Variants in CLUH observed in about 807,000 individuals in gnomAD.
CLUH encodes the protein CLUH binding protein of NUMT mRNA.
In CLUH, 77 loss-of-function variants were observed where a neutral mutation model predicts 139.3. The observed-to-expected ratio is 0.55, with a 90% CI of 0.46 to 0.67. The LOEUF (loss-of-function observed/expected upper bound fraction) is 0.67, where lower values mean the gene tolerates loss of function less well. Ranked by LOEUF, CLUH falls within the 30% of genes least tolerant of loss-of-function variation. The probability of loss-of-function intolerance (pLI) is 0.00; values close to 1 mark genes in which losing one functional copy is unlikely to be tolerated. For synonymous variants in CLUH, 999 were observed against 801.6 expected (o/e 1.25, Z -4.16); for missense variants, 1,876 against 1,875.8 (o/e 1.00, Z 0.00).
intron 10 of CLUH, 95 bp downstream of exon 10, chr17:2,697,801 G>T: frequency 2.6e-6 from 3 of 1,162,076 alleles, no homozygotes; most frequent in Non-Finnish European, 3.5e-6. Context: ...ACTCTCCAGC[G>T]CTTCTCCCTT....
In CLUH at chr17:2,704,674, TCGAGAGTC is replaced by T; in HGVS notation, c.101-118_101-111del. 1 of 1,059,258 alleles carries T rather than the reference TCGAGAGTC, an allele frequency of 9.4e-7. No individual in the cohort carries two copies. 65.6% of individuals were successfully genotyped at this position (1,059,258 alleles called of 1,614,324 possible). On this transcript the variant is annotated intron_variant, in intron 1 of 25. Coordinates refer to ENST00000651024, the MANE Select transcript of CLUH (RefSeq NM_001366661.1). This position sits in a 1 kb window ranked among gnomAD's most constrained non-coding sequence, Gnocchi z 5.7. ...CTTCTGGAAAGGCATCTGCATGCCC[TCGAGAGTC>T]CCAGCCTCACGGTCGCGCCTCGCCC...
intron 1 of CLUH, among the ~76,000 whole-genome samples, chr17:2,705,449 C>T (rs1284918213): frequency 6.6e-6 from 1 of 152,110 alleles, no homozygotes; most frequent in Non-Finnish European, 1.5e-5. Context: ...CTAAGGACAC[C>T]ACACCATGCA....
chr17:2,691,890 G>A lies in CLUH; in HGVS notation c.3660C>T (p.Gly1220=). ...EGYTIYKTQL[G]EDHEKTKESS... The stretch of plus-strand genomic sequence containing the variant: ...TTTCCTTGGTCTTCTCATGGTCCTC[G>A]CCCAGCTGCGGGGAGGCGGGAAGGG... The change falls in exon 24 of 26, where the codon GGC becomes GGT. Residue 1220 remains glycine (G), a synonymous_variant. Transcript: ENST00000651024. The A allele has an allele frequency of 6.5e-7, 1 of 1,534,662 alleles. No homozygotes were observed. Among genetic ancestry groups the A allele is most frequent in the Non-Finnish European group, 8.8e-7 (1 of 1,142,840 alleles).
chr17:2,696,353 C>T, intron 12 of CLUH, 81 bp downstream of exon 12: 1 of 1,509,546 alleles, frequency 6.6e-7, no homozygotes, highest in Non-Finnish European at 9.0e-7. Context: ...GGGGACAAAC[C>T]CACCAGCCCC....
Position 2,703,307 on chromosome 17 carries a change from T to C in CLUH, c.475+11A>G. 1 of 1,604,330 alleles carries C rather than the reference T, an allele frequency of 6.2e-7. No individual in the cohort carries two copies. Among genetic ancestry groups the C allele is most frequent in the Non-Finnish European group, 8.5e-7 (1 of 1,174,788 alleles). ...CCTCCCCCGGGCAGGCTGTCCAACT[T>C]CCAGACCAACCTTCCACCACACGCA... is the stretch of plus-strand genomic sequence containing the variant. On this transcript the variant is annotated intron_variant, in intron 3 of 25. Transcript: ENST00000651024. The surrounding 1 kb of genome is among the most constrained non-coding windows in gnomAD (Gnocchi z 4.2).
At chr17:2,691,943 C>CCGCCCCCGCCA (rs2069668025) in intron 23 of CLUH, 48 bp from the exon 24 acceptor site, 1 of 1,285,770 alleles carries the variant, frequency 7.8e-7, no homozygotes, top group Non-Finnish European at 1.0e-6. Flanking sequence ...CCCCGCGGCC[C>CCGCCCCCGCCA]CGCCCCCGCC....
chr17:2,703,326 A>G lies in CLUH; in HGVS notation c.467T>C (p.Val156Ala). The G allele has an allele frequency of 1.2e-6, 2 of 1,610,436 alleles. No individual in the cohort carries two copies. Among genetic ancestry groups the G allele is most frequent in the South Asian group, 1.1e-5 (1 of 90,460 alleles). ...EGLQEGSVLR[V>A]VEEPYTVREA... ...CCAACTTCCAGACCAACCTTCCACC[A>G]CACGCAGCACAGAGCCCTCCTGCAG... The change falls in exon 3 of 26, where the codon GTG (valine) becomes GCG (alanine). Residue 156 changes from valine (V) to alanine (A), a missense_variant. By Grantham distance (64) the Val-to-Ala change is moderately conservative. This residue lies in a region of CLUH where 270 missense variants were observed against 354.7 expected (regional missense o/e 0.76). Coordinates refer to ENST00000651024, the MANE Select transcript of CLUH (RefSeq NM_001366661.1). This position sits in a 1 kb window ranked among gnomAD's most constrained non-coding sequence, Gnocchi z 4.2.
At chr17:2,696,302 G>A (rs2069939716) in intron 12 of CLUH, 43 bp from the exon 13 acceptor site, 1 of 1,533,908 alleles carries the variant, frequency 6.5e-7, no homozygotes, top group Non-Finnish European at 8.8e-7. Context: ...GCAGTGGCAA[G>A]ACAAATGCCG....
At chr17:2,693,000 G>C (rs920024390) in intron 19 of CLUH, 140 bp from the exon 20 acceptor site, 2 of 707,730 alleles carry the variant, frequency 2.8e-6, no homozygotes, top group Admixed American at 6.9e-5. Context: ...GTGCAGCAGG[G>C]GGGAGGGGGA....
chr17:2,692,263 G>T, intron 22 of CLUH, 98 bp downstream of exon 22: 1 of 1,455,300 alleles, frequency 6.9e-7, no homozygotes, highest in South Asian at 1.3e-5. Context: ...AAATTTTCTC[G>T]GGTGGAGGAA....
Position 2,691,610 on chromosome 17 carries a change from T to C in CLUH, c.3862A>G (p.Ser1288Gly). The C allele has an allele frequency of 6.2e-7, 1 of 1,611,618 alleles. No individual in the cohort carries two copies. The highest frequency in any genetic ancestry group is 1.1e-5 in the South Asian group (1 of 90,824). ...ACTCGAGTGGGGCGGAGGCCTCACC[T>C]GAGAGGAATGAAGAGGATGCCGTTA... ...VINGILFIPL[S>G]QKDLENLKAE... Residue 1288 changes from serine (S) to glycine (G), a missense_variant and splice_region_variant, in exon 25 of 26, where the codon AGC becomes GGC. Ser to Gly is a moderately conservative substitution (Grantham distance 56). Around this residue, in one of 3 missense-constraint regions of CLUH, gnomAD observed 1,454 missense variants for 1,384.4 expected, o/e 1.05. Coordinates refer to ENST00000651024, the MANE Select transcript of CLUH (RefSeq NM_001366661.1).
chr17:2,691,136 C>T (rs2151687223), intron 25 of CLUH, among the ~76,000 whole-genome samples: 1 of 152,110 alleles, frequency 6.6e-6, no homozygotes, highest in South Asian at 2.1e-4. Context: ...CTCAGCCCCC[C>T]CCCGCCGCAG....
chr17:2,696,021 C>T (rs1443772748), intron 13 of CLUH, 138 bp downstream of exon 13: 2 of 708,686 alleles, frequency 2.8e-6, no homozygotes, highest in African/African-American at 3.5e-5. Context: ...CCCCATCTGT[C>T]AAACGGGGAT....
rs777363421 is a variant in CLUH, at chr17:2,691,689, G to A, written c.3790-7C>T. On this transcript the variant is annotated splice_region_variant and splice_polypyrimidine_tract_variant and intron_variant, in intron 24 of 25. Transcript: ENST00000651024. ...CCATGCTGGGGGCCGTGAACTGCGG[G>A]GCGGGGAAACCAGCGGTGAGCGGGG... 11 of 1,611,652 alleles carry A rather than the reference G, an allele frequency of 6.8e-6. No homozygotes were observed. The highest frequency in any genetic ancestry group is 5.3e-5 in the African/African-American group (4 of 74,884).
chr17:2,700,916 G>A, intron 7 of CLUH, 91 bp from the exon 8 acceptor site: 1 of 1,456,204 alleles, frequency 6.9e-7, no homozygotes. Flanking sequence ...GCCTGCTCCG[G>A]CATCTCCCAC....
chr17:2,704,536 C>A lies in CLUH; in HGVS notation c.129G>T (p.Gly43=). The A allele has an allele frequency of 6.3e-7, 1 of 1,574,818 alleles. No homozygotes were observed. Among genetic ancestry groups the A allele is most frequent in the East Asian group, 2.3e-5 (1 of 42,690 alleles). Residue 43 remains glycine (G), a synonymous_variant, in exon 2 of 26, where the codon GGG becomes GGT. Coordinates refer to ENST00000651024, the MANE Select transcript of CLUH (RefSeq NM_001366661.1). This position sits in a 1 kb window ranked among gnomAD's most constrained non-coding sequence, Gnocchi z 5.7. ...CCTTCTTCAGGCTCTCTGGGCAGTC[C>A]CCGTTTAAGAGCATGACTGATGGCA... The part of the protein sequence containing the change: ...AELPSVMLLN[G]DCPESLKKEA...
At position 2,695,431 on chromosome 17, in the gene CLUH, G is replaced by A. The variant is rs1185410123; in HGVS notation, c.2487C>T (p.Gly829=). The change falls in exon 14 of 26, where the codon GGC becomes GGT. Residue 829 remains glycine (G), a synonymous_variant. Coordinates refer to ENST00000651024, the MANE Select transcript of CLUH (RefSeq NM_001366661.1). ...RQRGINMRYL[G]KVLELVLRSP... is the part of the protein sequence containing the mutation. Reference sequence around the variant, plus strand: ...TCCGCAGCACCAGCTCCAGCACCTTGCCCAGGTAGCGCATGTTGATGCCCC... The same window carrying A: ...TCCGCAGCACCAGCTCCAGCACCTTACCCAGGTAGCGCATGTTGATGCCCC... The A allele has an allele frequency of 1.9e-6, 3 of 1,612,502 alleles. No homozygotes were observed. Among genetic ancestry groups the A allele is most frequent in the Non-Finnish European group, 2.5e-6 (3 of 1,179,762 alleles).
chr17:2,700,515 G>A lies in CLUH; in HGVS notation c.1174-41C>T, dbSNP rs777863060. 5.7e-6 allele frequency: 9 copies of A among 1,590,314 alleles called. No individual in the cohort carries two copies. In the South Asian group the frequency reaches 7.9e-5, roughly 14 times the overall value. ...GGAGGGAAAAACGAGCTCAGCCTGT[G>A]CCCTGTGACCTGCTCCCGGAAGTCG... is the stretch of plus-strand genomic sequence containing the variant. On this transcript the variant is annotated intron_variant, in intron 8 of 25. Transcript: ENST00000651024.
rs1377975239 is a variant in CLUH at position 2,711,627 on chromosome 17, G to A, written c.35C>T (p.Ala12Val). ...GTGTTCCCGGGCGCTGTCGGCCGGGGCGGCCGCCGGCAACTCGTCCGTCTT... is the reference window on the plus strand; with the variant it reads ...GTGTTCCCGGGCGCTGTCGGCCGGGACGGCCGCCGGCAACTCGTCCGTCTT... ...VIKTDELPAA[A>V]PADSAREHGS... Residue 12 changes from alanine (A) to valine (V), a missense_variant, in exon 1 of 26, where the codon GCC (alanine) becomes GTC (valine). Coordinates refer to ENST00000651024, the MANE Select transcript of CLUH (RefSeq NM_001366661.1). 1.0e-6 allele frequency: 1 copy of A among 984,276 alleles called. No homozygotes were observed. Among genetic ancestry groups the A allele is most frequent in the Non-Finnish European group, 1.2e-6 (1 of 829,568 alleles). 61.0% of individuals were successfully genotyped at this position (984,276 alleles called of 1,614,324 possible). A position where few individuals can be genotyped will look rare whatever the true frequency, so the allele number is the denominator to read the frequency against.
Sources: gnomAD v4.1 joint callset for allele counts (sites outside exome capture counted in the v4.1 genomes callset) on GRCh38, gnomAD v4.1.1 for gene constraint, gnomAD v4.1.1 regional missense constraint, Gnocchi (gnomAD v3.1) non-coding constraint, MANE v1.5 for transcripts, NCBI Gene and HGNC (gene_info 2026-07-23, HGNC 2026-07-21) for gene names.